The following CCDC7 variants were observed in gnomAD, a reference collection of about 807,000 sequenced individuals.
CCDC7 encodes the protein coiled-coil domain containing 7, also known as coiled-coil domain-containing protein 7.
A neutral mutation model predicts 196.9 loss-of-function variants in CCDC7; 183 were observed. That is an observed-to-expected ratio of 0.93 (90% CI 0.82 to 1.05). The LOEUF (loss-of-function observed/expected upper bound fraction) is 1.05, where lower values mean the gene tolerates loss of function less well. Ranked by LOEUF, CCDC7 falls within the 50% of genes least tolerant of loss-of-function variation. The pLI is 0.00. For synonymous variants in CCDC7, 525 were observed against 484.6 expected (o/e 1.08, Z -1.10); for missense variants, 1,540 against 1,482.2 (o/e 1.04, Z -0.64).
At chr10:32,813,141 G>A (rs1203709457) in intron 30 of CCDC7, among the ~76,000 whole-genome samples, 1 of 152,088 alleles carries the variant, frequency 6.6e-6, no homozygotes, top group Admixed American at 6.6e-5. Flanking sequence ...CAATACAATG[G>A]AAGGATTATG....
chr10:32,566,078 G>A (rs556198991), intron 14 of CCDC7, among the ~76,000 whole-genome samples: 1 of 152,128 alleles, frequency 6.6e-6, no homozygotes, highest in East Asian at 1.9e-4. Context: ...TTTCATAAAT[G>A]AATAGACAAA....
At chr10:32,463,529 C>G (rs1223630012) in intron 5 of CCDC7, among the ~76,000 whole-genome samples, 1 of 152,190 alleles carries the variant, frequency 6.6e-6, no homozygotes. Context: ...CTACTGGTCT[C>G]TGTCCTTAGG....
chr10:32,468,483 C>G (rs1214529308), intron 5 of CCDC7, among the ~76,000 whole-genome samples: 1 of 152,098 alleles, frequency 6.6e-6, no homozygotes, highest in African/African-American at 2.4e-5. Flanking sequence ...ACTTTTGGGC[C>G]AAGACTTTGG....
intron 41 of CCDC7, among the ~76,000 whole-genome samples, chr10:32,856,135 A>G (rs1443057393): frequency 6.6e-6 from 1 of 152,184 alleles, no homozygotes; most frequent in East Asian, 1.9e-4. Flanking sequence ...AGAAGAAAAC[A>G]TAGGAGAAAA....
At chr10:32,851,730 T>C (rs2093572025) in intron 39 of CCDC7, 77 bp from the exon 41 acceptor site, 1 of 1,356,340 alleles carries the variant, frequency 7.4e-7, no homozygotes. Flanking sequence ...GTTGTGTGCA[T>C]ATATACTGTG....
chr10:32,705,504 A>G (rs1282116165), intron 24 of CCDC7, among the ~76,000 whole-genome samples: 2 of 152,174 alleles, frequency 1.3e-5, no homozygotes, highest in Non-Finnish European at 2.9e-5. Context: ...AAATGCCCCA[A>G]TTAAAAGACA....
chr10:32,685,210 ATT>A (rs35021847), intron 21 of CCDC7, among the ~76,000 whole-genome samples: 1 of 144,484 alleles, frequency 6.9e-6, no homozygotes, highest in Admixed American at 6.9e-5. Context: ...TCTTTTTTGG[ATT>A]TTTTTTTTTT....
At chr10:32,729,543 A>T (rs1367931908) in intron 28 of CCDC7, 86 bp downstream of exon 29, 1 of 579,186 alleles carries the variant, frequency 1.7e-6, no homozygotes, top group Non-Finnish European at 2.8e-6. Flanking sequence ...GCCTTCAACC[A>T]TATGCTTCTT....
chr10:32,565,591 C>A (rs5028341), exon 14 of CCDC7: 1 of 1,609,060 alleles, frequency 6.2e-7, no homozygotes, highest in East Asian at 2.2e-5. Context: ...GAACAAAGTC[C>A]TTCAGGAGCA....
chr10:32,558,716 G>A lies in CCDC7; in HGVS notation c.1135-6842G>A, dbSNP rs551771187. The stretch of plus-strand genomic sequence containing the variant: ...AGATGGCCGAATAGGAACAGCTCCG[G>A]TCTACAGCTCCCAGCGTGAGTGACG... On this transcript the variant is annotated intron_variant, in intron 13 of 41. Transcript: ENST00000639629. 5.4e-4 allele frequency among the ~76,000 whole-genome samples: 83 copies of A among 152,320 alleles called. 1 individual carries two copies. In the South Asian group the frequency reaches 9.5e-3, roughly 17 times the overall value.
At chr10:32,584,264 G>T in exon 18 of CCDC7, 1 of 1,595,024 alleles carries the variant, frequency 6.3e-7, no homozygotes, top group South Asian at 1.2e-5. Flanking sequence ...TACAAAAGAT[G>T]ACTGAAGAAC....
chr10:32,679,181 G>A (rs1465827933), intron 21 of CCDC7, among the ~76,000 whole-genome samples: 3 of 152,116 alleles, frequency 2.0e-5, no homozygotes, highest in Non-Finnish European at 4.4e-5. Context: ...CATGGGTTGT[G>A]TGCTCAGAAT....
chr10:32,624,973 G>A (rs2063810692), intron 18 of CCDC7, among the ~76,000 whole-genome samples: 1 of 97,066 alleles, frequency 1.0e-5, no homozygotes, highest in Non-Finnish European at 2.3e-5. Context: ...TTTTTTCTTT[G>A]CTTTGCACAA....
At chr10:32,632,886 A>G (rs1053693866) in intron 18 of CCDC7, among the ~76,000 whole-genome samples, 13 of 152,162 alleles carry the variant, frequency 8.5e-5, no homozygotes, top group African/African-American at 2.9e-4. Context: ...ATTTCCAAGT[A>G]TATTTTAGAG....
At chr10:32,633,551 C>A (rs2065169715) in intron 18 of CCDC7, among the ~76,000 whole-genome samples, 1 of 152,000 alleles carries the variant, frequency 6.6e-6, no homozygotes, top group African/African-American at 2.4e-5. Flanking sequence ...CTCTCTTGAC[C>A]AAGACTGAGA....
chr10:32,462,583 T>G (rs1354523481), intron 3 of CCDC7, 100 bp from the exon 5 acceptor site: 1 of 986,268 alleles, frequency 1.0e-6, no homozygotes, highest in African/African-American at 1.7e-5. Context: ...ACTTAGTACA[T>G]TTTTGTGATT....
chr10:32,787,223 A>G (rs1577580), intron 29 of CCDC7, among the ~76,000 whole-genome samples: 20,968 of 149,570 alleles, frequency 0.14, 1,743 homozygotes, highest in East Asian at 0.25. Context: ...CTCCAAGTAG[A>G]ATAAACTCAG....
At chr10:32,700,555 T>A (rs1203633424) in intron 24 of CCDC7, among the ~76,000 whole-genome samples, 5 of 152,166 alleles carry the variant, frequency 3.3e-5, no homozygotes, top group Admixed American at 1.3e-4. Context: ...TTTGGTTTCA[T>A]ATGAACTTTA....
chr10:32,460,602 G>A (rs2035421036), intron 3 of CCDC7, among the ~76,000 whole-genome samples: 1 of 138,324 alleles, frequency 7.2e-6, no homozygotes, highest in African/African-American at 2.6e-5. Context: ...GTTATTCCTA[G>A]GTATAATGTG....
Sources: allele counts gnomAD v4.1 joint callset (sites outside exome capture counted in the v4.1 genomes callset), GRCh38; gene constraint gnomAD v4.1.1; transcripts MANE v1.5; gene names NCBI Gene and HGNC (gene_info 2026-07-23, HGNC 2026-07-21).